Variants in MZF1 observed in about 807,000 individuals in gnomAD.
MZF1 encodes myeloid zinc finger 1, also known as zinc finger and SCAN domain-containing protein 6.
MZF1 carries 24 observed loss-of-function variants against 28.6 expected under a neutral mutation model. That is an observed-to-expected ratio of 0.84 (90% confidence interval 0.61 to 1.18). MZF1 has a LOEUF of 1.18. Among genes scored for constraint, MZF1 ranks in the 50% most tolerant of loss-of-function variants. MZF1 has a pLI of 0.00. For missense variants in MZF1, 1,166 were observed against 1,026.4 expected (o/e 1.14, Z -1.86); for synonymous variants, 516 against 432.5 (o/e 1.19, Z -2.40).
chr19:58,569,195 T>A (rs569636090), intron 5 of MZF1, 82 bp downstream of exon 5: 2 of 1,473,568 alleles, frequency 1.4e-6, no homozygotes, highest in East Asian at 4.7e-5. Flanking sequence ...GAGGGCTGCC[T>A]GCGTAGGGCC....
Position 58,572,617 on chromosome 19 carries a change from G to A in MZF1, c.-41+438C>T, listed in dbSNP as rs1220012229. 3.9e-6 allele frequency: 5 copies of A among 1,289,592 alleles called. No individual in the cohort carries two copies. In the Admixed American group the frequency reaches 6.9e-5, roughly 18 times the overall value. The allele number at this position is 1,289,592 out of a possible 1,614,324, so 79.9% of individuals were successfully genotyped here. A position where few individuals can be genotyped will look rare whatever the true frequency, so the allele number is the denominator to read the frequency against. ...AGGAATCTGCGTTTATGAAGGGGAT[G>A]GCACCGCAGAATCATTCCCCCGTGG... On this transcript the variant is annotated intron_variant, in intron 1 of 5. Transcript: ENST00000215057.
rs1210072340 is a variant in MZF1 at position 58,562,481 on chromosome 19, C to T, written c.1796G>A (p.Cys599Tyr). The change falls in exon 6 of 6, where the codon TGC becomes TAC. Residue 599 changes from cysteine to tyrosine, a missense_variant. By Grantham distance (194) the Cys-to-Tyr change is radical (BLOSUM62 -2). Coordinates refer to ENST00000215057, the MANE Select transcript of MZF1 (RefSeq NM_198055.2). ...GCTGAAGCGCTGGCCACACTCGGGG[C>T]AGGCAAAGGGTTTCTCGCCCGTGTG... ...RVHTGEKPFA[C>Y]PECGQRFSQR... 1.2e-6 allele frequency: 2 copies of T among 1,611,174 alleles called. No individual in the cohort carries two copies. The highest frequency in any genetic ancestry group is 2.2e-5 in the East Asian group (1 of 44,776).
Position 58,573,079 on chromosome 19 carries a change from C to T in MZF1, c.-65G>A, listed in dbSNP as rs2054197069. On this transcript the variant is annotated 5_prime_UTR_variant, in exon 1 of 6. Coordinates refer to ENST00000215057, the MANE Select transcript of MZF1 (RefSeq NM_198055.2). ...CCTCTGCGCTCAGCGGGCCGCTCCGCGCTCCTGAGCACGCGCAGTCTTCGA... is the reference window on the plus strand; with the variant it reads ...CCTCTGCGCTCAGCGGGCCGCTCCGTGCTCCTGAGCACGCGCAGTCTTCGA... 6.4e-6 allele frequency: 1 copy of T among 155,122 alleles called. No individual in the cohort carries two copies. Among genetic ancestry groups the T allele is most frequent in the African/African-American group, 2.4e-5 (1 of 41,466 alleles). 9.6% of individuals were successfully genotyped at this position (155,122 alleles called of 1,614,324 possible).
Position 58,562,073 on chromosome 19 carries a change from T to C in MZF1, c.2204A>G (p.Ter735TrpextTer42). The change falls in exon 6 of 6, where the codon TAG becomes TGG. Residue 735 changes from the stop codon to tryptophan (W), a stop_lost. Transcript: ENST00000215057. ...GGACACAGTGCGTCCCGGCTGGAGC[T>C]ACTCGGCGCTGTGGACGCGCTGGTG... ...IQHQRVHSAE[*>W] 6.4e-7 allele frequency: 1 copy of C among 1,556,388 alleles called. No individual in the cohort carries two copies. The highest frequency in any genetic ancestry group is 8.7e-7 in the Non-Finnish European group (1 of 1,151,956).
At chr19:58,565,162 C>T (rs1392457685) in intron 5 of MZF1, among the ~76,000 whole-genome samples, 1 of 149,870 alleles carries the variant, frequency 6.7e-6, no homozygotes, top group Non-Finnish European at 1.5e-5. Flanking sequence ...GGCGTGTTCT[C>T]TGCTCACTGC....
intron 2 of MZF1, chr19:58,570,728 A>T (rs555376604): frequency 1.5e-6 from 1 of 671,382 alleles, no homozygotes; most frequent in East Asian, 2.7e-5. Context: ...CCCTGCTCTG[A>T]CATCGTGGCC....
At position 58,563,330 on chromosome 19, in the gene MZF1, T is replaced by C; in HGVS notation, c.947A>G (p.Asp316Gly). Residue 316 changes from aspartate to glycine, a missense_variant, in exon 6 of 6, where the codon GAC becomes GGC. By Grantham distance (94) the Asp-to-Gly change is moderately conservative. Coordinates refer to ENST00000215057, the MANE Select transcript of MZF1 (RefSeq NM_198055.2). ...CCGGCAGGGATCCTCGTCCGTGGGG[T>C]CCTGTTCACTCCTCAGATCGCTGGG... Reference protein sequence around the residue: ...LLPSDLRSEQDPTDEDPCRGV... With the variant: ...LLPSDLRSEQGPTDEDPCRGV... 6.2e-7 allele frequency: 1 copy of C among 1,608,416 alleles called. No individual in the cohort carries two copies. Among genetic ancestry groups the C allele is most frequent in the African/African-American group, 1.3e-5 (1 of 74,774 alleles).
intron 5 of MZF1, among the ~76,000 whole-genome samples, chr19:58,565,544 C>T (rs916543785): frequency 8.1e-5 from 12 of 147,662 alleles, no homozygotes; most frequent in South Asian, 4.3e-4. Context: ...TGTGTGTGTG[C>T]GCACTTGAGA....
Position 58,569,487 on chromosome 19 carries a change from AGGAGAACATGGACCTGG to A in MZF1, c.651+12_651+28del. 1.9e-6 allele frequency: 3 copies of A among 1,613,140 alleles called. No homozygotes were observed. Among genetic ancestry groups the A allele is most frequent in the Non-Finnish European group, 2.5e-6 (3 of 1,179,450 alleles). On this transcript the variant is annotated intron_variant, in intron 4 of 5. Transcript: ENST00000215057. ...CCACCCAGCAACTTCCAGGGAAAGGAGGAGAACATGGACCTGGGCAGGACTTACCTGGGCCTCCTCAG... is the reference window on the plus strand; with the variant it reads ...CCACCCAGCAACTTCCAGGGAAAGGAGCAGGACTTACCTGGGCCTCCTCAG...
Position 58,571,174 on chromosome 19 carries a change from C to G in MZF1, c.216G>C (p.Trp72Cys), listed in dbSNP as rs1475701019. Residue 72 changes from tryptophan to cysteine, a missense_variant, in exon 2 of 6, where the codon TGG becomes TGC. By Grantham distance (215) the Trp-to-Cys change is radical. Coordinates refer to ENST00000215057, the MANE Select transcript of MZF1 (RefSeq NM_198055.2). ...CCTTGGAGCGTACCTCTGGACGCAG[C>G]CACTGGCGACACAGCTCTCGGAGCT... ...LAQLRELCRQ[W>C]LRPEVRSKEQ... 1.2e-6 allele frequency: 2 copies of G among 1,613,780 alleles called. No individual in the cohort carries two copies. The highest frequency in any genetic ancestry group is 3.3e-5 in the Admixed American group (2 of 59,956).
chr19:58,568,213 C>T (rs927274413), intron 5 of MZF1: 2 of 152,018 alleles, frequency 1.3e-5, no homozygotes, highest in African/African-American at 4.8e-5. Context: ...CCACTGTGCT[C>T]TAGTCTGTGT....
At chr19:58,566,415 C>A (rs542799074) in intron 5 of MZF1, among the ~76,000 whole-genome samples, 1 of 152,086 alleles carries the variant, frequency 6.6e-6, no homozygotes, top group Non-Finnish European at 1.5e-5. Context: ...CCATTGCACT[C>A]CAGCCTGGGC....
Position 58,564,902 on chromosome 19 carries a change from GTTTTTTTTTT to G in MZF1, c.773-1408_773-1399del, listed in dbSNP as rs71190056. 2.0e-3 allele frequency among the ~76,000 whole-genome samples: 86 copies of G among 41,964 alleles called. 1 individual carries two copies. The highest frequency in any genetic ancestry group is 3.7e-3 in the African/African-American group (50 of 13,654). The allele number at this position is 41,964 out of a possible 152,430, so 27.5% of individuals were successfully genotyped here. On this transcript the variant is annotated intron_variant, in intron 5 of 5. Coordinates refer to ENST00000215057, the MANE Select transcript of MZF1 (RefSeq NM_198055.2). The stretch of plus-strand genomic sequence containing the variant: ...GTGGAGAATAAGCATCCATGTGTGT[GTTTTTTTTTT>G]TTTTTTTTTTTTTTTTTTTTTTTTT...
At chr19:58,563,579 C>T in intron 5 of MZF1, 75 bp from the exon 6 acceptor site, 3 of 1,256,262 alleles carry the variant, frequency 2.4e-6, no homozygotes, top group Non-Finnish European at 3.3e-6. Flanking sequence ...CCTGGGGACA[C>T]AGTGTGAACT....
chr19:58,562,077 C>A lies in MZF1; in HGVS notation c.2200G>T (p.Glu734Ter), dbSNP rs377592261. 1 of 1,558,002 alleles carries A rather than the reference C, an allele frequency of 6.4e-7. No homozygotes were observed. Among genetic ancestry groups the A allele is most frequent in the East Asian group, 2.4e-5 (1 of 41,772 alleles). ...ACAGTGCGTCCCGGCTGGAGCTACT[C>A]GGCGCTGTGGACGCGCTGGTGCTGA... Reference protein sequence around the residue: ...LIQHQRVHSAE With the variant: ...LIQHQRVHSA Residue 734 changes from glutamate to a stop codon, truncating the protein, a stop_gained, in exon 6 of 6, where the codon GAG (glutamate) becomes TAG (stop). Transcript: ENST00000215057. LOFTEE classifies it high-confidence loss of function.
In MZF1 at chr19:58,562,009, C is replaced by A. The variant is rs1222657864; in HGVS notation, c.*63G>T. The stretch of plus-strand genomic sequence containing the variant: ...TGCTTATACTTATGTAATCGCCAGC[C>A]TCACAATAACCAGGGGAGGTAGGTG... On this transcript the variant is annotated 3_prime_UTR_variant, in exon 6 of 6. Coordinates refer to ENST00000215057, the MANE Select transcript of MZF1 (RefSeq NM_198055.2). The A allele has an allele frequency of 6.7e-7, 1 of 1,488,260 alleles. No individual in the cohort carries two copies. The highest frequency in any genetic ancestry group is 1.4e-5 in the African/African-American group (1 of 72,000). 92.2% of individuals were successfully genotyped at this position (1,488,260 alleles called of 1,614,324 possible). A position where few individuals can be genotyped will look rare whatever the true frequency, so the allele number is the denominator to read the frequency against.
At chr19:58,566,652 C>T (rs1009617518) in intron 5 of MZF1, among the ~76,000 whole-genome samples, 1 of 152,048 alleles carries the variant, frequency 6.6e-6, no homozygotes, top group African/African-American at 2.4e-5. Context: ...ATTAGCTATT[C>T]AGAATAGTCT....
intron 5 of MZF1, among the ~76,000 whole-genome samples, chr19:58,566,256 G>A (rs1035553939): frequency 6.6e-6 from 1 of 151,830 alleles, no homozygotes; most frequent in Non-Finnish European, 1.5e-5. Flanking sequence ...AGACCAGCCT[G>A]ACCAACATGG....
In MZF1 at chr19:58,563,394, G is replaced by T. The variant is rs1449758705; in HGVS notation, c.883C>A (p.Pro295Thr). The T allele has an allele frequency of 2.5e-6, 4 of 1,600,388 alleles. No homozygotes were observed. In the African/African-American group the frequency reaches 4.0e-5, roughly 16 times the overall value. Residue 295 changes from proline to threonine, a missense_variant, in exon 6 of 6, where the codon CCC becomes ACC. Coordinates refer to ENST00000215057, the MANE Select transcript of MZF1 (RefSeq NM_198055.2). ...TGCGCAAAGCCACCTTCGCGGGAGG[G>T]TGATTGGATCTGGCCAGAAAGGCCA... ...MAGLSGQIQS[P>T]SREGGFAHAL...
Sources: allele counts gnomAD v4.1 joint callset (sites outside exome capture counted in the v4.1 genomes callset), GRCh38; gene constraint gnomAD v4.1.1; transcripts MANE v1.5; gene names NCBI Gene and HGNC (gene_info 2026-07-23, HGNC 2026-07-21).